Variants in FUZ observed in about 807,000 individuals in gnomAD.
The protein encoded by FUZ is protein fuzzy homolog.
Under a neutral mutation model 43.1 loss-of-function variants are expected in FUZ, and 31 were observed. The ratio of observed to expected loss-of-function variants is 0.72; its 90% confidence interval spans 0.54 to 0.97. The LOEUF is 0.97. Among genes scored for constraint, FUZ ranks in the 50% least tolerant of loss-of-function variants. The pLI, the probability that FUZ is intolerant of heterozygous loss-of-function variation, is 0.00. For missense variants in FUZ, 539 were observed against 543.8 expected, an observed-to-expected ratio of 0.99 and a Z score of 0.09; for synonymous variants, 274 against 250.0, an observed-to-expected ratio of 1.10 and a Z score of -0.91.
At position 49,809,147 on chromosome 19, in the gene FUZ, C is replaced by T; in HGVS notation, c.786+16G>A. 2 of 1,550,372 alleles carry T rather than the reference C, an allele frequency of 1.3e-6. No individual in the cohort carries two copies. The highest frequency in any genetic ancestry group is 1.7e-6 in the Non-Finnish European group (2 of 1,146,210). On this transcript the variant is annotated intron_variant, in intron 7 of 10. Transcript: ENST00000313777. This position sits in a 1 kb window ranked among gnomAD's most constrained non-coding sequence, Gnocchi z 5.1. ...GGGTGTCCTAAGAGCGAAAGCGGGA[C>T]GTGGCGCGGGTTCACCTGTGGATAC...
chr19:49,808,708 G>C lies in FUZ; in HGVS notation c.893+9C>G, dbSNP rs761655684. 6.3e-7 allele frequency: 1 copy of C among 1,597,358 alleles called. No individual in the cohort carries two copies. The highest frequency in any genetic ancestry group is 8.5e-7 in the Non-Finnish European group (1 of 1,171,948). On this transcript the variant is annotated intron_variant, in intron 8 of 10. Transcript: ENST00000313777. Reference sequence around the variant, plus strand: ...GACCCCCGACCCACTCCCTCCATCCGAGCCCTACCCGAGGATGTCTGTGTG... The same window carrying C: ...GACCCCCGACCCACTCCCTCCATCCCAGCCCTACCCGAGGATGTCTGTGTG...
chr19:49,808,518 G>A (rs1290559652), intron 9 of FUZ, 30 bp from the exon 10 acceptor site: 3 of 1,601,178 alleles, frequency 1.9e-6, no homozygotes, highest in African/African-American at 1.3e-5. Context: ...GTGATGCAGA[G>A]CGCCTCCCCG....
rs1367426455 is a variant in FUZ at position 49,813,046 on chromosome 19, C to T, written c.61G>A (p.Val21Ile). The T allele has an allele frequency of 6.4e-7, 1 of 1,551,266 alleles. No individual in the cohort carries two copies. Residue 21 changes from valine (V) to isoleucine (I), a missense_variant, in exon 1 of 11, where the codon GTC (valine) becomes ATC (isoleucine). Physicochemically the swap from Val to Ile is conservative, Grantham distance 29. Coordinates refer to ENST00000313777, the MANE Select transcript of FUZ (RefSeq NM_025129.5). The stretch of plus-strand genomic sequence containing the variant: ...CGACTGCTCCTGCAGAATAGGGGGA[C>T]CCCGCTGGAGGCCGCGAGGCACAGC... ...HLLCLAASSG[V>I]PLFCRSSRGG... is the part of the protein sequence containing the mutation.
In FUZ at chr19:49,809,224, G is replaced by C; in HGVS notation, c.725C>G (p.Pro242Arg). ...PHRLLTLTLL[P>R]SLELCLLCGP... ...GCAGAGTAGACACAGCTCCAGGCTC[G>C]GCAGCAGAGTCAGGGTCAGGAGCCG... The change falls in exon 7 of 11, where the codon CCG becomes CGG. Residue 242 changes from proline (P) to arginine (R), a missense_variant. Transcript: ENST00000313777. This position sits in a 1 kb window ranked among gnomAD's most constrained non-coding sequence, Gnocchi z 5.1. 1.9e-6 allele frequency: 3 copies of C among 1,551,150 alleles called. No individual in the cohort carries two copies. Among genetic ancestry groups the C allele is most frequent in the Non-Finnish European group, 2.6e-6 (3 of 1,146,988 alleles).
intron 2 of FUZ, 108 bp downstream of exon 2, chr19:49,812,507 A>G: frequency 6.6e-7 from 1 of 1,514,374 alleles, no homozygotes; most frequent in Non-Finnish European, 9.2e-7. Flanking sequence ...TAAAGATCCC[A>G]TAGCCAAATT....
rs1450700710 is a variant in FUZ at position 49,808,451 on chromosome 19, G to A, written c.996C>T (p.Asn332=). The stretch of plus-strand genomic sequence containing the variant: ...GCGTGGAGGTGACCAGGGTATAGAA[G>A]TTTCGGAGGAGGCGCCGGCGCTGTT... ...SPEQRRRLLR[N]FYTLVTSTHF... Residue 332 remains asparagine, a synonymous_variant, in exon 10 of 11, where the codon AAC becomes AAT. Transcript: ENST00000313777. The A allele has an allele frequency of 1.2e-6, 2 of 1,612,674 alleles. No homozygotes were observed. The highest frequency in any genetic ancestry group is 2.2e-5 in the East Asian group (1 of 44,868).
chr19:49,807,990 C>G (rs983416456), intron 10 of FUZ: 1 of 347,004 alleles, frequency 2.9e-6, no homozygotes, highest in East Asian at 7.6e-5. Flanking sequence ...TTGTGCAGAG[C>G]GCTGGACTGT....
chr19:49,809,575 C>A lies in FUZ; in HGVS notation c.493G>T (p.Glu165Ter). ...GCCTCAGCGAACCCGGAGAGGGCTT[C>A]CTGGGTACGGGAGGCAGGAGGACTG... is the stretch of plus-strand genomic sequence containing the variant. The part of the protein sequence containing the change: ...VIPPEGSLLQ[E>*]ALSGFAEAAG... The change falls in exon 6 of 11, where the codon GAA becomes TAA. Residue 165 changes from glutamate (E) to a stop codon, truncating the protein, a stop_gained and splice_region_variant. Transcript: ENST00000313777. LOFTEE classifies it high-confidence loss of function. The surrounding 1 kb of genome is among the most constrained non-coding windows in gnomAD (Gnocchi z 5.1). 6.3e-7 allele frequency: 1 copy of A among 1,593,078 alleles called. No individual in the cohort carries two copies.
At position 49,808,722 on chromosome 19, in the gene FUZ, G is replaced by A; in HGVS notation, c.888C>T (p.Ile296=). The A allele has an allele frequency of 6.3e-7, 1 of 1,592,588 alleles. No homozygotes were observed. The highest frequency in any genetic ancestry group is 8.6e-7 in the Non-Finnish European group (1 of 1,169,582). ...TCCCTCCATCCGAGCCCTACCCGAG[G>A]ATGTCTGTGTGAAGGGGGAAGCCAC... is the stretch of plus-strand genomic sequence containing the variant. ...LPSGFPLHTD[I]LGLLLLHLEL... Residue 296 remains isoleucine, a synonymous_variant, in exon 8 of 11, where the codon ATC becomes ATT. Coordinates refer to ENST00000313777, the MANE Select transcript of FUZ (RefSeq NM_025129.5).
chr19:49,809,152 C>T lies in FUZ; in HGVS notation c.786+11G>A, dbSNP rs2073617914. ...TCCTAAGAGCGAAAGCGGGACGTGGCGCGGGTTCACCTGTGGATACAACTG... is the reference window on the plus strand; with the variant it reads ...TCCTAAGAGCGAAAGCGGGACGTGGTGCGGGTTCACCTGTGGATACAACTG... On this transcript the variant is annotated intron_variant, in intron 7 of 10. Transcript: ENST00000313777. The surrounding 1 kb of genome is among the most constrained non-coding windows in gnomAD (Gnocchi z 5.1). 2 of 1,551,054 alleles carry T rather than the reference C, an allele frequency of 1.3e-6. No individual in the cohort carries two copies. Among genetic ancestry groups the T allele is most frequent in the East Asian group, 2.4e-5 (1 of 40,994 alleles).
At chr19:49,811,061 G>A (rs1348233215) in intron 5 of FUZ, 3 of 435,112 alleles carry the variant, frequency 6.9e-6, no homozygotes, top group Non-Finnish European at 1.3e-5. Context: ...TGAGGCAGGA[G>A]AATTACTTGA....
In FUZ at chr19:49,813,115, C is replaced by G. The variant is rs779959041; in HGVS notation, c.-9G>C. ...GTCCCCTCCTCCCCCATTTAGGACT[C>G]CCACCGCGGTCCCTCACGTGGGGAC... On this transcript the variant is annotated 5_prime_UTR_variant, in exon 1 of 11. Coordinates refer to ENST00000313777, the MANE Select transcript of FUZ (RefSeq NM_025129.5). 1.3e-6 allele frequency: 2 copies of G among 1,548,974 alleles called. No homozygotes were observed. Among genetic ancestry groups the G allele is most frequent in the Middle Eastern group, 3.5e-4 (2 of 5,764 alleles).
Position 49,809,046 on chromosome 19 carries a change from G to A in FUZ, c.786+117C>T, listed in dbSNP as rs1286541255. ...TGGCGGGTAGGTGAATGACTGGAGC[G>A]CAGTCCAGAAGAGGCGGGGCTGGGG... On this transcript the variant is annotated intron_variant, in intron 7 of 10. Coordinates refer to ENST00000313777, the MANE Select transcript of FUZ (RefSeq NM_025129.5). The surrounding 1 kb of genome is among the most constrained non-coding windows in gnomAD (Gnocchi z 5.1). The A allele has an allele frequency of 7.6e-6, 8 of 1,055,104 alleles. No individual in the cohort carries two copies. The highest frequency in any genetic ancestry group is 2.0e-5 in the Admixed American group (1 of 50,354). The allele number at this position is 1,055,104 out of a possible 1,614,324, so 65.4% of individuals were successfully genotyped here.
Position 49,809,444 on chromosome 19 carries a change from C to A in FUZ, c.624G>T (p.Leu208=), listed in dbSNP as rs369957710. 29 of 1,548,296 alleles carry A rather than the reference C, an allele frequency of 1.9e-5. No homozygotes were observed. In the African/African-American group the frequency reaches 4.0e-4, roughly 21 times the overall value. ...GTPEAVLLPW[L]VGSLPPQTAR... is the part of the protein sequence containing the mutation. ...CGGTCTGCGGCGGCAGGGACCCCAC[C>A]AGCCAGGGGAGCAGCACGGCCTCGG... Residue 208 remains leucine (L), a synonymous_variant, in exon 6 of 11, where the codon CTG becomes CTT. Transcript: ENST00000313777. This position sits in a 1 kb window ranked among gnomAD's most constrained non-coding sequence, Gnocchi z 5.1.
rs2073432409 is a variant in FUZ at position 49,807,247 on chromosome 19, A to G, written c.1161T>C (p.Leu387=). The change falls in exon 11 of 11, where the codon CTT becomes CTC. Residue 387 remains leucine (L), a synonymous_variant. Transcript: ENST00000313777. The part of the protein sequence containing the change: ...GVRLVALQLG[L]RRLLLLLSPQ... The stretch of plus-strand genomic sequence containing the variant: ...GAGACAGCAGCAGCAGCAGCCGCCG[A>G]AGCCCCAGCTGCAAGGCCACCAGAC... The G allele has an allele frequency of 2.5e-6, 4 of 1,612,988 alleles. No individual in the cohort carries two copies. The highest frequency in any genetic ancestry group is 3.4e-6 in the Non-Finnish European group (4 of 1,179,784).
Position 49,809,289 on chromosome 19 carries a change from C to T in FUZ, c.691-31G>A. 6.5e-7 allele frequency: 1 copy of T among 1,549,388 alleles called. No homozygotes were observed. The highest frequency in any genetic ancestry group is 8.7e-7 in the Non-Finnish European group (1 of 1,146,340). ...GCAGGGCACAGGCTGGGGCTCATCG[C>T]GGCCCGGCCCCTTTCCATCGCAGAT... On this transcript the variant is annotated intron_variant, in intron 6 of 10. Coordinates refer to ENST00000313777, the MANE Select transcript of FUZ (RefSeq NM_025129.5). The surrounding 1 kb of genome is among the most constrained non-coding windows in gnomAD (Gnocchi z 5.1).
At position 49,809,596 on chromosome 19, in the gene FUZ, G is replaced by T; in HGVS notation, c.493-21C>A. 6.4e-7 allele frequency: 1 copy of T among 1,573,616 alleles called. No homozygotes were observed. On this transcript the variant is annotated intron_variant, in intron 5 of 10. Transcript: ENST00000313777. The surrounding 1 kb of genome is among the most constrained non-coding windows in gnomAD (Gnocchi z 5.1). ...GCTTCCTGGGTACGGGAGGCAGGAG[G>T]ACTGGGAGTCAGCAGACAAGCGTAG... is the stretch of plus-strand genomic sequence containing the variant.
At position 49,809,355 on chromosome 19, in the gene FUZ, G is replaced by A. The variant is rs752034855; in HGVS notation, c.690+23C>T. 67 of 1,544,966 alleles carry A rather than the reference G, an allele frequency of 4.3e-5. No individual in the cohort carries two copies. The highest frequency in any genetic ancestry group is 5.6e-5 in the Non-Finnish European group (64 of 1,146,740). On this transcript the variant is annotated intron_variant, in intron 6 of 10. Coordinates refer to ENST00000313777, the MANE Select transcript of FUZ (RefSeq NM_025129.5). The surrounding 1 kb of genome is among the most constrained non-coding windows in gnomAD (Gnocchi z 5.1). Reference sequence around the variant, plus strand: ...CTCGGCCCCCAGGTCACATCCCTCCGTCGGTGCCCGCCACCCACTCACCGT... The same window carrying A: ...CTCGGCCCCCAGGTCACATCCCTCCATCGGTGCCCGCCACCCACTCACCGT...
chr19:49,807,959 CAA>C, intron 10 of FUZ, among the ~76,000 whole-genome samples: 1 of 152,326 alleles, frequency 6.6e-6, no homozygotes, highest in Non-Finnish European at 1.5e-5. Flanking sequence ...AGCCTATCAG[CAA>C]AGCCTGTGCT....
Sources: allele counts gnomAD v4.1 joint callset (sites outside exome capture counted in the v4.1 genomes callset), GRCh38; gene constraint gnomAD v4.1.1; non-coding constraint Gnocchi (gnomAD v3.1); transcripts MANE v1.5; gene names NCBI Gene and HGNC (gene_info 2026-07-23, HGNC 2026-07-21).